Variants in SUSD2 observed in about 807,000 individuals in gnomAD.
The protein encoded by SUSD2 is sushi domain-containing protein 2.
In SUSD2, 86 loss-of-function variants were observed where a neutral mutation model predicts 93.8. The observed-to-expected ratio is 0.92, with a 90% CI of 0.77 to 1.10. SUSD2 has a LOEUF of 1.10. Ranked by LOEUF, SUSD2 falls within the 50% of genes least tolerant of loss-of-function variation. SUSD2 has a pLI of 0.00. For missense variants in SUSD2, 1,060 were observed against 1,137.0 expected (o/e 0.93, Z 0.97); for synonymous variants, 483 against 485.0 (o/e 1.00, Z 0.05).
At chr22:24,187,541 C>T (rs2047377049) in intron 11 of SUSD2, 30 bp from the exon 12 acceptor site, 5 of 1,602,302 alleles carry the variant, frequency 3.1e-6, no homozygotes, top group Non-Finnish European at 4.3e-6. Flanking sequence ...GGAGCCATGC[C>T]CAGCCAGGCC....
At chr22:24,185,418 G>A in intron 6 of SUSD2, 68 bp from the exon 7 acceptor site, 4 of 1,538,306 alleles carry the variant, frequency 2.6e-6, no homozygotes, top group Middle Eastern at 1.8e-4. Context: ...GACCCCTGCA[G>A]GGTTGGCCTC....
At chr22:24,186,858 G>A in intron 10 of SUSD2, 1 of 441,846 alleles carries the variant, frequency 2.3e-6, no homozygotes, top group Non-Finnish European at 4.2e-6. Context: ...TGGGATGGGT[G>A]AGGACCTGGG....
At chr22:24,182,091 AG>A (rs1349553343) in intron 1 of SUSD2, among the ~76,000 whole-genome samples, 5 of 151,550 alleles carry the variant, frequency 3.3e-5, no homozygotes, top group African/African-American at 1.2e-4. Flanking sequence ...ATCCTTGGCC[AG>A]TACATATTTA....
chr22:24,185,869 C>T lies in SUSD2; in HGVS notation c.1279C>T (p.Pro427Ser). The stretch of plus-strand genomic sequence containing the variant: ...CTGCTGCCTCTGGGCACCCGACTGC[C>T]CCCGCTACATGCAACGGCGGCCCTC... The part of the protein sequence containing the change: ...YYCCLWAPDC[P>S]RYMQRRPSND... The change falls in exon 8 of 15, where the codon CCC becomes TCC. Residue 427 changes from proline to serine, a missense_variant. This residue lies in a region of SUSD2 where 973 missense variants were observed against 1,005.3 expected (regional missense o/e 0.97). Transcript: ENST00000358321. 1 of 1,595,442 alleles carries T rather than the reference C, an allele frequency of 6.3e-7. No individual in the cohort carries two copies.
At position 24,188,564 on chromosome 22, in the gene SUSD2, C is replaced by G. The variant is rs2047386478; in HGVS notation, c.*128C>G. On this transcript the variant is annotated 3_prime_UTR_variant, in exon 15 of 15. Coordinates refer to ENST00000358321, the MANE Select transcript of SUSD2 (RefSeq NM_019601.4). The surrounding 1 kb of genome is among the most constrained non-coding windows in gnomAD (Gnocchi z 4.7). ...ACTTGATACCTGGGCATTTAACCCC[C>G]TACTCTGTCATCTCAGACCCCAGGC... is the stretch of plus-strand genomic sequence containing the variant. 2 of 885,464 alleles carry G rather than the reference C, an allele frequency of 2.3e-6. No individual in the cohort carries two copies. The highest frequency in any genetic ancestry group is 3.5e-6 in the Non-Finnish European group (2 of 570,712). 54.9% of individuals were successfully genotyped at this position (885,464 alleles called of 1,614,324 possible).
intron 4 of SUSD2, 136 bp from the exon 5 acceptor site, chr22:24,184,630 G>T (rs2047348352): frequency 4.3e-6 from 3 of 704,698 alleles, no homozygotes; most frequent in African/African-American, 1.8e-5. Flanking sequence ...CCAAGCCGGG[G>T]TCCCTGCTAG....
Position 24,183,586 on chromosome 22 carries a change from C to G in SUSD2, c.379C>G (p.Pro127Ala), listed in dbSNP as rs761931025. The G allele has an allele frequency of 6.2e-7, 1 of 1,613,440 alleles. No homozygotes were observed. Among genetic ancestry groups the G allele is most frequent in the Non-Finnish European group, 8.5e-7 (1 of 1,180,008 alleles). Residue 127 changes from proline (P) to alanine (A), a missense_variant, in exon 3 of 15, where the codon CCC becomes GCC. Around this residue, in one of 2 missense-constraint regions of SUSD2, gnomAD observed 973 missense variants for 1,005.3 expected, o/e 0.97. Transcript: ENST00000358321. ...SPLLYESGRI[P>A]FTVSLDNGHS... Reference sequence around the variant, plus strand: ...TCTGCTCTATGAGAGCGGCCGCATCCCCTTCACTGTGTCACTGGACAACGG... The same window carrying G: ...TCTGCTCTATGAGAGCGGCCGCATCGCCTTCACTGTGTCACTGGACAACGG...
intron 10 of SUSD2, chr22:24,186,962 A>C: frequency 1.7e-6 from 1 of 583,998 alleles, no homozygotes; most frequent in Non-Finnish European, 3.0e-6. Context: ...CCACACGTGC[A>C]TCTCAACATG....
intron 9 of SUSD2, 44 bp from the exon 10 acceptor site, chr22:24,186,213 G>A: frequency 1.2e-6 from 2 of 1,610,394 alleles, no homozygotes; most frequent in Non-Finnish European, 1.7e-6. Flanking sequence ...ACCAAGGTGG[G>A]AGGCTGGAGC....
Position 24,185,142 on chromosome 22 carries a change from G to A in SUSD2, c.831G>A (p.Leu277=), listed in dbSNP as rs1428808825. The part of the protein sequence containing the change: ...WTNDHALAWH[L]SDDFREDPVA... Reference sequence around the variant, plus strand: ...ACGACCACGCACTGGCCTGGCACCTGAGCGATGACTTCCGAGAGGACCCTG... The same window carrying A: ...ACGACCACGCACTGGCCTGGCACCTAAGCGATGACTTCCGAGAGGACCCTG... Residue 277 remains leucine (L), a synonymous_variant, in exon 6 of 15, where the codon CTG becomes CTA. Coordinates refer to ENST00000358321, the MANE Select transcript of SUSD2 (RefSeq NM_019601.4). The A allele has an allele frequency of 1.2e-6, 2 of 1,612,794 alleles. No individual in the cohort carries two copies. Among genetic ancestry groups the A allele is most frequent in the Admixed American group, 1.7e-5 (1 of 60,020 alleles).
chr22:24,181,884 G>C (rs532959113), intron 1 of SUSD2, among the ~76,000 whole-genome samples: 3 of 152,208 alleles, frequency 2.0e-5, no homozygotes, highest in Admixed American at 6.5e-5. Flanking sequence ...GATCACGGAG[G>C]GGGAGCCAGG....
In SUSD2 at chr22:24,184,105, C is replaced by G. The variant is rs779854812; in HGVS notation, c.440-31C>G. On this transcript the variant is annotated intron_variant, in intron 3 of 14. Coordinates refer to ENST00000358321, the MANE Select transcript of SUSD2 (RefSeq NM_019601.4). ...TCCTCCCTGCTTCCCTGGGCCCAGGCCCTCACTCACCCCTCACCTCCCCTG... is the reference window on the plus strand; with the variant it reads ...TCCTCCCTGCTTCCCTGGGCCCAGGGCCTCACTCACCCCTCACCTCCCCTG... The G allele has an allele frequency of 5.6e-6, 9 of 1,609,164 alleles. No homozygotes were observed. In the African/African-American group the frequency reaches 1.1e-4, roughly 19 times the overall value.
chr22:24,182,816 C>T (rs1357106271), intron 1 of SUSD2: 20 of 533,292 alleles, frequency 3.8e-5, no homozygotes, highest in African/African-American at 3.8e-5. Flanking sequence ...TGCCTCTTCT[C>T]GCTGCATTCT....
At chr22:24,186,199 T>C in intron 9 of SUSD2, 40 bp downstream of exon 9, 1 of 1,608,928 alleles carries the variant, frequency 6.2e-7, no homozygotes, top group South Asian at 1.1e-5. Context: ...TGGCATGGGG[T>C]AGAACCAAGG....
chr22:24,183,999 G>C (rs1738323586), intron 3 of SUSD2, 137 bp from the exon 4 acceptor site: 1 of 856,944 alleles, frequency 1.2e-6, no homozygotes, highest in Admixed American at 2.4e-5. Context: ...CTTTTCTGCT[G>C]TGCGGGCCAG....
chr22:24,186,143 C>A lies in SUSD2; in HGVS notation c.1467C>A (p.Pro489=). 1 of 1,609,846 alleles carries A rather than the reference C, an allele frequency of 6.2e-7. No homozygotes were observed. The highest frequency in any genetic ancestry group is 1.1e-5 in the South Asian group (1 of 90,746). Residue 489 remains proline (P), a synonymous_variant, in exon 9 of 15, where the codon CCC becomes CCA. Coordinates refer to ENST00000358321, the MANE Select transcript of SUSD2 (RefSeq NM_019601.4). The part of the protein sequence containing the change: ...TDLRVQARAQ[P]GTMSNGTETR... ...TGAGGGTGCAGGCGCGGGCCCAGCC[C>A]GGGACGATGTCCAACGGTGAGGCCA...
At position 24,185,273 on chromosome 22, in the gene SUSD2, G is replaced by C. The variant is rs753229853; in HGVS notation, c.962G>C (p.Arg321Pro). ...PDCPCTLTQA[R>P]ADSGRFFTDY... ...TGCCCCTGCACCCTGACCCAGGCCC[G>C]GGCTGACTCCGGCCGCTTCTTCGTG... Residue 321 changes from arginine (R) to proline (P), a missense_variant, in exon 6 of 15, where the codon CGG becomes CCG. Arg to Pro is a moderately radical substitution (Grantham distance 103). This residue lies in a region of SUSD2 where 973 missense variants were observed against 1,005.3 expected (regional missense o/e 0.97). Coordinates refer to ENST00000358321, the MANE Select transcript of SUSD2 (RefSeq NM_019601.4). 2 of 1,605,018 alleles carry C rather than the reference G, an allele frequency of 1.2e-6. No individual in the cohort carries two copies. The highest frequency in any genetic ancestry group is 2.7e-5 in the African/African-American group (2 of 74,868).
intron 5 of SUSD2, 51 bp from the exon 6 acceptor site, chr22:24,185,043 G>C (rs370197128): frequency 6.2e-7 from 1 of 1,610,408 alleles, no homozygotes; most frequent in African/African-American, 1.3e-5. Flanking sequence ...AGAGTGGGGC[G>C]ACCATGGGGT....
At position 24,188,201 on chromosome 22, in the gene SUSD2, C is replaced by A; in HGVS notation, c.2342-24C>A. The A allele has an allele frequency of 6.3e-7, 1 of 1,589,656 alleles. No individual in the cohort carries two copies. The highest frequency in any genetic ancestry group is 8.6e-7 in the Non-Finnish European group (1 of 1,164,352). On this transcript the variant is annotated intron_variant, in intron 13 of 14. Coordinates refer to ENST00000358321, the MANE Select transcript of SUSD2 (RefSeq NM_019601.4). The surrounding 1 kb of genome is among the most constrained non-coding windows in gnomAD (Gnocchi z 4.7). ...CACTCACCACCCCAGAGAGCCCCCT[C>A]ACTGACACTCGCTCCCTCACCAGGA...
Sources: gnomAD v4.1 joint callset for allele counts (sites outside exome capture counted in the v4.1 genomes callset) on GRCh38, gnomAD v4.1.1 for gene constraint, gnomAD v4.1.1 regional missense constraint, Gnocchi (gnomAD v3.1) non-coding constraint, MANE v1.5 for transcripts, NCBI Gene and HGNC (gene_info 2026-07-23, HGNC 2026-07-21) for gene names.